Variants in ANO6 observed in about 807,000 individuals in gnomAD.
ANO6 encodes the protein anoctamin 6.
In ANO6, 106 loss-of-function variants were observed where a neutral mutation model predicts 117.5. The observed-to-expected ratio is 0.90, with a 90% CI of 0.77 to 1.06. The LOEUF (loss-of-function observed/expected upper bound fraction) is 1.06. ANO6 is among the 50% of genes least tolerant of loss of function. The probability of loss-of-function intolerance (pLI) is 0.00; values close to 1 mark genes in which losing one functional copy is unlikely to be tolerated. For synonymous variants in ANO6, 367 were observed against 385.1 expected, an observed-to-expected ratio of 0.95 and a Z score of 0.55; for missense variants, 955 against 1,121.1, an observed-to-expected ratio of 0.85 and a Z score of 2.12.
Position 45,430,344 on chromosome 12 carries a change from G to A in ANO6, c.*1033G>A, listed in dbSNP as rs1943603158. The stretch of plus-strand genomic sequence containing the variant: ...GCCATTGGGGTACAACTGTGTGCAT[G>A]GGCAGAAACAGCAAGTGCCCTCATT... On this transcript the variant is annotated 3_prime_UTR_variant, in exon 20 of 20. Coordinates refer to ENST00000320560, the MANE Select transcript of ANO6 (RefSeq NM_001025356.3). 10 of 985,442 alleles carry A rather than the reference G, an allele frequency of 1.0e-5. No homozygotes were observed. The highest frequency in any genetic ancestry group is 1.2e-5 in the Non-Finnish European group (10 of 829,954). The allele number at this position is 985,442 out of a possible 1,614,324, so 61.0% of individuals were successfully genotyped here. A position where few individuals can be genotyped will look rare whatever the true frequency, so the allele number is the denominator to read the frequency against.
intron 1 of ANO6, among the ~76,000 whole-genome samples, chr12:45,262,168 A>C (rs1253102777): frequency 6.6e-6 from 1 of 152,230 alleles, no homozygotes; most frequent in South Asian, 2.1e-4. Flanking sequence ...TCAAAGATAA[A>C]CCACCATGAA....
At position 45,429,207 on chromosome 12, in the gene ANO6, C is replaced by T; in HGVS notation, c.2629C>T (p.Leu877Phe). 6.2e-7 allele frequency: 1 copy of T among 1,613,932 alleles called. No homozygotes were observed. The highest frequency in any genetic ancestry group is 8.5e-7 in the Non-Finnish European group (1 of 1,179,936). The change falls in exon 20 of 20, where the codon CTT (leucine) becomes TTT (phenylalanine). Residue 877 changes from leucine (L) to phenylalanine (F), a missense_variant. Physicochemically the swap from Leu to Phe is conservative, Grantham distance 22. Coordinates refer to ENST00000320560, the MANE Select transcript of ANO6 (RefSeq NM_001025356.3). ...IQREKYLTQK[L>F]LHENHLKDMT... ...GAGAGAAAAATACCTAACCCAAAAGCTTCTTCATGAGAATCACCTCAAAGA... is the reference window on the plus strand; with the variant it reads ...GAGAGAAAAATACCTAACCCAAAAGTTTCTTCATGAGAATCACCTCAAAGA...
chr12:45,359,827 A>C (rs1393123679), intron 8 of ANO6, among the ~76,000 whole-genome samples: 2 of 152,222 alleles, frequency 1.3e-5, no homozygotes, highest in East Asian at 3.9e-4. Flanking sequence ...GTTGGGATAT[A>C]CAGTAACTGT....
chr12:45,393,286 A>G (rs183850133), intron 12 of ANO6, among the ~76,000 whole-genome samples: 97 of 152,342 alleles, frequency 6.4e-4, no homozygotes, highest in African/African-American at 2.3e-3. Context: ...GAGAGAAGAC[A>G]AGGTTAGAGG....
At chr12:45,416,990 A>T in intron 17 of ANO6, 86 bp downstream of exon 17, 1 of 1,348,534 alleles carries the variant, frequency 7.4e-7, no homozygotes, top group South Asian at 1.2e-5. Context: ...AGTGTTTTTT[A>T]AAATGAGAGG....
chr12:45,350,575 A>G (rs1342840916), intron 6 of ANO6, 84 bp from the exon 7 acceptor site: 10 of 1,067,006 alleles, frequency 9.4e-6, no homozygotes, highest in Non-Finnish European at 1.4e-5. Context: ...ACAATTGACT[A>G]TCAAGTATTT....
At chr12:45,243,478 G>A (rs139846550) in intron 1 of ANO6, among the ~76,000 whole-genome samples, 2 of 151,978 alleles carry the variant, frequency 1.3e-5, no homozygotes, top group African/African-American at 4.8e-5. Context: ...TTTTCTATAT[G>A]TCTTTCCAGG....
At position 45,357,297 on chromosome 12, in the gene ANO6, T is replaced by C. The variant is rs760031599; in HGVS notation, c.871T>C (p.Tyr291His). 1.2e-6 allele frequency: 2 copies of C among 1,613,818 alleles called. No homozygotes were observed. The highest frequency in any genetic ancestry group is 2.2e-5 in the South Asian group (2 of 91,054). Residue 291 changes from tyrosine to histidine, a missense_variant, in exon 8 of 20, where the codon TAT becomes CAT. Tyr to His is a moderately conservative substitution (Grantham distance 83). Coordinates refer to ENST00000320560, the MANE Select transcript of ANO6 (RefSeq NM_001025356.3). ...ATTTCTGTCTTTCTTCAGGAAATAC[T>C]ATGGAGAGAAGATTGGAATCTACTT... Reference protein sequence around the residue: ...KQPLDLIRKYYGEKIGIYFAW... With the variant: ...KQPLDLIRKYHGEKIGIYFAW...
chr12:45,382,640 GACC>G (rs1446088949), intron 10 of ANO6, among the ~76,000 whole-genome samples: 1 of 152,118 alleles, frequency 6.6e-6, no homozygotes, highest in Admixed American at 6.5e-5. Context: ...TAAGGTTCCA[GACC>G]ACCACAAGAA....
chr12:45,404,936 A>G lies in ANO6; in HGVS notation c.1880+1400A>G, dbSNP rs1942893836. Among the ~76,000 whole-genome samples the G allele has an allele frequency of 2.0e-5, 3 of 152,162 alleles. No homozygotes were observed. In the South Asian group the frequency reaches 6.2e-4, roughly 32 times the overall value. On this transcript the variant is annotated intron_variant, in intron 15 of 19. Transcript: ENST00000320560. ...TTTCTGTTCATTCTCTTTATTGAGC[A>G]GTTAACTCACTCCGGGTTTCAGTGC...
At chr12:45,402,869 G>C (rs1175038446) in intron 13 of ANO6, among the ~76,000 whole-genome samples, 1 of 152,134 alleles carries the variant, frequency 6.6e-6, no homozygotes, top group Non-Finnish European at 1.5e-5. Flanking sequence ...TATTCCTACT[G>C]TGAGGGAGAA....
chr12:45,382,391 T>C (rs1446419186), intron 10 of ANO6, among the ~76,000 whole-genome samples: 2 of 152,202 alleles, frequency 1.3e-5, no homozygotes, highest in African/African-American at 4.8e-5. Flanking sequence ...AAGATTTTAA[T>C]GTGCTTAGTC....
intron 10 of ANO6, among the ~76,000 whole-genome samples, chr12:45,384,658 T>G (rs1296376469): frequency 6.6e-6 from 1 of 152,170 alleles, no homozygotes; most frequent in Non-Finnish European, 1.5e-5. Flanking sequence ...TTTTGCTGTC[T>G]TACATAGGTG....
rs1406732633 is a variant in ANO6 at position 45,302,098 on chromosome 12, G to C, written c.150+5G>C. On this transcript the variant is annotated splice_donor_5th_base_variant and intron_variant, in intron 2 of 19. Coordinates refer to ENST00000320560, the MANE Select transcript of ANO6 (RefSeq NM_001025356.3). Reference sequence around the variant, plus strand: ...GATTTTCGAACCCCGGAGTTTGTGAGTACTATTCCTTTATCTTAAATTTGT... The same window carrying C: ...GATTTTCGAACCCCGGAGTTTGTGACTACTATTCCTTTATCTTAAATTTGT... 6.2e-7 allele frequency: 1 copy of C among 1,612,646 alleles called. No individual in the cohort carries two copies. Among genetic ancestry groups the C allele is most frequent in the Admixed American group, 1.7e-5 (1 of 60,004 alleles).
chr12:45,325,085 G>A (rs12579080), intron 2 of ANO6, among the ~76,000 whole-genome samples: 2,629 of 152,304 alleles, frequency 0.017, 54 homozygotes, highest in East Asian at 0.084. Context: ...GGAACATACA[G>A]TTACGAAGTC....
downstream of ANO6, among the ~76,000 whole-genome samples, chr12:45,433,337 G>C (rs73283340): frequency 6.6e-6 from 1 of 152,180 alleles, no homozygotes; most frequent in Non-Finnish European, 1.5e-5. Context: ...CATGTGGATG[G>C]TCTTTGCTTA....
At chr12:45,229,721 A>G (rs1489287215) in intron 1 of ANO6, among the ~76,000 whole-genome samples, 1 of 152,032 alleles carries the variant, frequency 6.6e-6, no homozygotes, top group Non-Finnish European at 1.5e-5. Flanking sequence ...CCTCTGTCCC[A>G]TTATTTTCAT....
Position 45,349,054 on chromosome 12 carries a change from T to C in ANO6, c.747+423T>C, listed in dbSNP as rs554712985. 5.9e-5 allele frequency among the ~76,000 whole-genome samples: 9 copies of C among 152,314 alleles called. No homozygotes were observed. The South Asian group carries it at 1.7e-3, about 28-fold the overall frequency. ...TACCTCCTAGAGTTGTTAAGAGGAT[T>C]AAATTAATCCATTAAATTAATCCAA... On this transcript the variant is annotated intron_variant, in intron 6 of 19. Transcript: ENST00000320560.
intron 2 of ANO6, among the ~76,000 whole-genome samples, chr12:45,328,443 G>A (rs1015823169): frequency 6.6e-6 from 1 of 151,998 alleles, no homozygotes; most frequent in Non-Finnish European, 1.5e-5. Flanking sequence ...ATTTGATCTA[G>A]TGTCTTCTAT....
Sources: gnomAD v4.1 joint callset for allele counts (sites outside exome capture counted in the v4.1 genomes callset) on GRCh38, gnomAD v4.1.1 for gene constraint, MANE v1.5 for transcripts, NCBI Gene and HGNC (gene_info 2026-07-23, HGNC 2026-07-21) for gene names.